The following COL22A1 variants were observed in gnomAD, a reference collection of about 807,000 sequenced individuals.
COL22A1 encodes collagen alpha-1(XXII) chain.
Under a neutral mutation model 248.9 loss-of-function variants are expected in COL22A1, and 221 were observed. The ratio of observed to expected loss-of-function variants is 0.89; its 90% CI spans 0.80 to 0.99. The LOEUF (loss-of-function observed/expected upper bound fraction) is 0.99. COL22A1 is among the 50% of genes least tolerant of loss of function. The pLI is 0.00. For synonymous variants in COL22A1, 891 were observed against 793.4 expected (o/e 1.12, Z -2.07); for missense variants, 2,240 against 2,179.0 (o/e 1.03, Z -0.56).
chr8:138,695,815 TGGG>T (rs1266829169), intron 32 of COL22A1, among the ~76,000 whole-genome samples: 1 of 151,752 alleles, frequency 6.6e-6, no homozygotes, highest in Non-Finnish European at 1.5e-5. Flanking sequence ...GATGAGCAGA[TGGG>T]GGACTACAGT....
At chr8:138,871,349 A>G (rs1823330679) in intron 3 of COL22A1, among the ~76,000 whole-genome samples, 1 of 152,170 alleles carries the variant, frequency 6.6e-6, no homozygotes, top group Admixed American at 6.5e-5. Flanking sequence ...CCTGCCTCCT[A>G]CAGATGAGAA....
intron 4 of COL22A1, among the ~76,000 whole-genome samples, chr8:138,834,898 A>G (rs919667553): frequency 3.3e-5 from 5 of 152,172 alleles, no homozygotes; most frequent in Non-Finnish European, 4.4e-5. Flanking sequence ...CACCAACACA[A>G]AATCCTGGCT....
intron 32 of COL22A1, among the ~76,000 whole-genome samples, chr8:138,697,688 C>T (rs1409367680): frequency 6.6e-6 from 1 of 152,190 alleles, no homozygotes; most frequent in Non-Finnish European, 1.5e-5. Context: ...TCTCTTCCTT[C>T]ATTATGCGGC....
At chr8:138,755,442 A>C in intron 20 of COL22A1, 40 bp downstream of exon 20, 4 of 1,599,494 alleles carry the variant, frequency 2.5e-6, no homozygotes, top group Non-Finnish European at 3.4e-6. Context: ...TTCTGCTGTG[A>C]CCTAAATCCC....
intron 3 of COL22A1, among the ~76,000 whole-genome samples, chr8:138,848,499 G>A (rs962752492): frequency 6.6e-6 from 1 of 152,100 alleles, no homozygotes. Flanking sequence ...TGTCCATTAG[G>A]GGAGGAAAAG....
chr8:138,713,148 T>C (rs1269437506), intron 30 of COL22A1, among the ~76,000 whole-genome samples: 1 of 152,128 alleles, frequency 6.6e-6, no homozygotes, highest in Non-Finnish European at 1.5e-5. Context: ...GAGACCTGCT[T>C]GGCAAAAGAG....
intron 32 of COL22A1, among the ~76,000 whole-genome samples, chr8:138,696,309 T>C (rs1827497168): frequency 6.6e-6 from 1 of 152,118 alleles, no homozygotes; most frequent in East Asian, 1.9e-4. Context: ...CAAGGAGAGC[T>C]GGGATGAGCA....
At chr8:138,812,558 CA>C (rs898791038) in intron 8 of COL22A1, among the ~76,000 whole-genome samples, 2 of 152,146 alleles carry the variant, frequency 1.3e-5, no homozygotes, top group Non-Finnish European at 2.9e-5. Context: ...TTGGGCCATC[CA>C]TGTCCTGACC....
intron 23 of COL22A1, among the ~76,000 whole-genome samples, chr8:138,726,650 G>T (rs887162249): frequency 1.3e-5 from 2 of 152,186 alleles, no homozygotes; most frequent in Non-Finnish European, 2.9e-5. Context: ...GGCAGAGAAG[G>T]CACCTGAGTA....
Position 138,883,177 on chromosome 8 carries a change from C to T in COL22A1, c.-5G>A, listed in dbSNP as rs761621187. On this transcript the variant is annotated 5_prime_UTR_variant, in exon 2 of 65. Coordinates refer to ENST00000303045, the MANE Select transcript of COL22A1 (RefSeq NM_152888.3). ...GTTCCCTCGGAGGCCGGCCATGGCT[C>T]TCCTGTTCTTGGGGACAGGCTTCTC... 1.9e-6 allele frequency: 3 copies of T among 1,577,854 alleles called. No homozygotes were observed. The South Asian group carries it at 3.5e-5, about 18-fold the overall frequency.
intron 16 of COL22A1, among the ~76,000 whole-genome samples, chr8:138,774,620 G>A (rs569459780): frequency 5.9e-5 from 9 of 152,078 alleles, no homozygotes; most frequent in South Asian, 2.1e-4. Flanking sequence ...GGGTTTCACC[G>A]TGTTAAGCCA....
intron 59 of COL22A1, among the ~76,000 whole-genome samples, chr8:138,603,181 T>C (rs552032042): frequency 2.6e-5 from 4 of 152,302 alleles, no homozygotes; most frequent in Non-Finnish European, 5.9e-5. Flanking sequence ...CTGAGACCTA[T>C]GCAGAGGACA....
At chr8:138,707,587 C>A (rs1434262532) in intron 30 of COL22A1, among the ~76,000 whole-genome samples, 1 of 152,138 alleles carries the variant, frequency 6.6e-6, no homozygotes, top group Non-Finnish European at 1.5e-5. Flanking sequence ...AATTCAACAA[C>A]GCTTCATGCT....
At chr8:138,674,019 G>A (rs1433920895) in intron 41 of COL22A1, among the ~76,000 whole-genome samples, 1 of 152,072 alleles carries the variant, frequency 6.6e-6, no homozygotes, top group Non-Finnish European at 1.5e-5. Context: ...AGGTACCCAC[G>A]GTGGCCTTCT....
At chr8:138,863,769 A>G (rs551778109) in intron 3 of COL22A1, among the ~76,000 whole-genome samples, 2 of 152,222 alleles carry the variant, frequency 1.3e-5, no homozygotes, top group East Asian at 3.9e-4. Context: ...GGAGGCAGTG[A>G]GGTGGGGTCT....
chr8:138,673,457 C>T (rs978511002), intron 41 of COL22A1, among the ~76,000 whole-genome samples: 2 of 152,144 alleles, frequency 1.3e-5, no homozygotes, highest in African/African-American at 4.8e-5. Context: ...GACCCACCTG[C>T]CGCAGCCTCC....
chr8:138,782,827 GA>G (rs1462548244), intron 12 of COL22A1, among the ~76,000 whole-genome samples: 8 of 142,360 alleles, frequency 5.6e-5, no homozygotes, highest in African/African-American at 2.5e-4. Flanking sequence ...ATGACAGACG[GA>G]TCAATGGAAG....
chr8:138,888,803 G>A (rs1824849288), intron 1 of COL22A1, among the ~76,000 whole-genome samples: 1 of 152,170 alleles, frequency 6.6e-6, no homozygotes, highest in Non-Finnish European at 1.5e-5. Context: ...CTTCACAGCT[G>A]TATGGAGACA....
At chr8:138,782,113 G>A (rs1033705617) in intron 12 of COL22A1, among the ~76,000 whole-genome samples, 1 of 152,180 alleles carries the variant, frequency 6.6e-6, no homozygotes, top group Non-Finnish European at 1.5e-5. Flanking sequence ...TCAACATTCT[G>A]TCTGACATAA....
Sources: gnomAD v4.1 joint callset for allele counts (sites outside exome capture counted in the v4.1 genomes callset) on GRCh38, gnomAD v4.1.1 for gene constraint, MANE v1.5 for transcripts, NCBI Gene and HGNC (gene_info 2026-07-23, HGNC 2026-07-21) for gene names.